The following RALYL variants were observed in gnomAD, a reference collection of about 807,000 sequenced individuals.
The protein encoded by RALYL is RALY RNA binding protein like, also known as RNA-binding Raly-like protein.
Under a neutral mutation model 35.1 loss-of-function variants are expected in RALYL, and 29 were observed. That is an observed-to-expected ratio of 0.83 (90% CI 0.61 to 1.13). RALYL has a LOEUF of 1.13. Among genes scored for constraint, RALYL ranks in the 50% most tolerant of loss-of-function variants. The pLI, the probability that RALYL is intolerant of heterozygous loss-of-function variation, is 0.00. For synonymous variants in RALYL, 120 were observed against 127.6 expected, an observed-to-expected ratio of 0.94 and a Z score of 0.40; for missense variants, 359 against 360.4, an observed-to-expected ratio of 1.00 and a Z score of 0.03.
At chr8:84,726,490 C>T (rs1844981108) in intron 2 of RALYL, among the ~76,000 whole-genome samples, 1 of 151,208 alleles carries the variant, frequency 6.6e-6, no homozygotes, top group African/African-American at 2.4e-5. Context: ...ATGATTTCAA[C>T]TCTATTTTGA....
chr8:84,768,799 G>C (rs1814719160), intron 2 of RALYL, among the ~76,000 whole-genome samples: 2 of 152,120 alleles, frequency 1.3e-5, no homozygotes, highest in South Asian at 4.1e-4. Flanking sequence ...TTCTGCATTT[G>C]AACACGTTTC....
chr8:84,906,740 A>G (rs1846567530), intron 8 of RALYL, among the ~76,000 whole-genome samples: 1 of 151,410 alleles, frequency 6.6e-6, no homozygotes, highest in Non-Finnish European at 1.5e-5. Context: ...TTTTATCCAG[A>G]TAGCATTCAA....
chr8:84,789,271 G>A (rs1434086763), intron 3 of RALYL, among the ~76,000 whole-genome samples: 1 of 152,146 alleles, frequency 6.6e-6, no homozygotes, highest in African/African-American at 2.4e-5. Flanking sequence ...GGAAACAGAA[G>A]ATGACCCACA....
intron 1 of RALYL, among the ~76,000 whole-genome samples, chr8:84,458,397 G>A (rs1440314731): frequency 1.3e-5 from 2 of 151,688 alleles, no homozygotes; most frequent in Non-Finnish European, 3.0e-5. Context: ...TTCAACACAT[G>A]TTTTAAAGAA....
intron 4 of RALYL, among the ~76,000 whole-genome samples, chr8:84,814,021 T>A (rs1826555937): frequency 6.6e-6 from 1 of 151,934 alleles, no homozygotes; most frequent in Non-Finnish European, 1.5e-5. Context: ...ATCCTTGCGA[T>A]AGTTTGCTGA....
chr8:84,656,299 T>A (rs1471154905), intron 2 of RALYL, among the ~76,000 whole-genome samples: 1 of 152,138 alleles, frequency 6.6e-6, no homozygotes, highest in Non-Finnish European at 1.5e-5. Context: ...TCTCCTTTGA[T>A]TGACAAGTAT....
chr8:84,556,606 T>A (rs1305166402), intron 2 of RALYL, among the ~76,000 whole-genome samples: 1 of 152,224 alleles, frequency 6.6e-6, no homozygotes, highest in African/African-American at 2.4e-5. Flanking sequence ...TTGACATCCT[T>A]GTAATGACTT....
chr8:84,641,806 A>C (rs1022685942), intron 2 of RALYL, among the ~76,000 whole-genome samples: 1 of 151,386 alleles, frequency 6.6e-6, no homozygotes, highest in East Asian at 1.9e-4. Flanking sequence ...AAAAAAAAAA[A>C]AACTCATATA....
chr8:84,600,332 T>C (rs1815628937), intron 2 of RALYL, among the ~76,000 whole-genome samples: 2 of 152,104 alleles, frequency 1.3e-5, no homozygotes, highest in Admixed American at 1.3e-4. Flanking sequence ...TTTGGTTCTT[T>C]ATATATAAAT....
intron 2 of RALYL, among the ~76,000 whole-genome samples, chr8:84,766,721 A>C (rs1484876744): frequency 2.5e-3 from 208 of 81,984 alleles, no homozygotes; most frequent in Non-Finnish European, 3.6e-3. Context: ...AGACTGTCTC[A>C]AAAAAAAAAA....
chr8:84,770,957 CAG>C (rs566340271), intron 2 of RALYL, among the ~76,000 whole-genome samples: 16 of 152,184 alleles, frequency 1.1e-4, no homozygotes, highest in Middle Eastern at 3.4e-3. Flanking sequence ...AGTCCTTTGA[CAG>C]ATGTATAAAT....
In RALYL at chr8:84,887,598, C is replaced by A. The variant is rs368920635; in HGVS notation, c.686-6C>A. 119 of 1,601,772 alleles carry A rather than the reference C, an allele frequency of 7.4e-5. No individual in the cohort carries two copies. The highest frequency in any genetic ancestry group is 1.3e-4 in the South Asian group (12 of 89,204). ...GTAGTAGTCATTTGCTTTCTCCCCC[C>A]CCCAGAAGCTCAGAAGAAGCAATTG... On this transcript the variant is annotated splice_polypyrimidine_tract_variant and splice_region_variant and intron_variant, in intron 7 of 8. Coordinates refer to ENST00000521268, the MANE Select transcript of RALYL (RefSeq NM_173848.7).
chr8:84,895,878 T>C (rs1844664001), intron 8 of RALYL, among the ~76,000 whole-genome samples: 1 of 152,190 alleles, frequency 6.6e-6, no homozygotes, highest in South Asian at 2.1e-4. Context: ...AATGTTTCCA[T>C]GCATTTCCAG....
At chr8:84,247,225 A>G (rs1237512344) in intron 1 of RALYL, among the ~76,000 whole-genome samples, 1 of 152,152 alleles carries the variant, frequency 6.6e-6, no homozygotes, top group African/African-American at 2.4e-5. Flanking sequence ...CATTATTCCT[A>G]TTAGAGGAGC....
chr8:84,607,685 C>T (rs1817446728), intron 2 of RALYL, among the ~76,000 whole-genome samples: 2 of 152,046 alleles, frequency 1.3e-5, no homozygotes, highest in Admixed American at 1.3e-4. Context: ...GAGCTCTGCT[C>T]TGCTCTCTTC....
At chr8:84,435,202 C>A (rs2047570849) in intron 1 of RALYL, among the ~76,000 whole-genome samples, 1 of 151,718 alleles carries the variant, frequency 6.6e-6, no homozygotes, top group South Asian at 2.1e-4. Context: ...TTATTTCTTT[C>A]TGTACCAGAG....
intron 2 of RALYL, among the ~76,000 whole-genome samples, chr8:84,677,478 G>C (rs1438666388): frequency 6.6e-6 from 1 of 152,072 alleles, no homozygotes; most frequent in Non-Finnish European, 1.5e-5. Flanking sequence ...TGTTATAATA[G>C]CAAGAATAAA....
At chr8:84,490,909 C>A (rs1458110406) in intron 1 of RALYL, among the ~76,000 whole-genome samples, 2 of 151,474 alleles carry the variant, frequency 1.3e-5, no homozygotes, top group Non-Finnish European at 2.9e-5. Flanking sequence ...CTTTTAATAG[C>A]AATTCATATT....
At chr8:84,513,935 A>G (rs1475719668) in intron 1 of RALYL, among the ~76,000 whole-genome samples, 1 of 151,870 alleles carries the variant, frequency 6.6e-6, no homozygotes, top group Non-Finnish European at 1.5e-5. Flanking sequence ...GTCTCTAATA[A>G]AAATTAAAAA....
Sources: gnomAD v4.1 joint callset for allele counts (sites outside exome capture counted in the v4.1 genomes callset) on GRCh38, gnomAD v4.1.1 for gene constraint, MANE v1.5 for transcripts, NCBI Gene and HGNC (gene_info 2026-07-23, HGNC 2026-07-21) for gene names.